TGFBR2: variants seen among roughly 807,000 people sequenced by gnomAD.
The protein encoded by TGFBR2 is transforming growth factor beta receptor 2, also known as TGF-beta receptor type-2.
A neutral mutation model predicts 49.0 loss-of-function variants in TGFBR2; 18 were observed. The observed-to-expected ratio is 0.37, with a 90% CI of 0.25 to 0.54. The LOEUF is 0.54. TGFBR2 is among the 20% of genes least tolerant of loss of function. The pLI, the probability that TGFBR2 is intolerant of heterozygous loss-of-function variation, is 0.85. For synonymous variants in TGFBR2, 282 were observed against 275.9 expected, an observed-to-expected ratio of 1.02 and a Z score of -0.22; for missense variants, 525 against 722.6, an observed-to-expected ratio of 0.73 and a Z score of 3.13.
chr3:30,627,252 A>C (rs1698350340), intron 1 of TGFBR2, among the ~76,000 whole-genome samples: 1 of 152,104 alleles, frequency 6.6e-6, no homozygotes, highest in South Asian at 2.1e-4. Context: ...ATTTTGGAAA[A>C]TGCCTTCTTT....
At chr3:30,649,533 A>G (rs1249716518) in intron 2 of TGFBR2, among the ~76,000 whole-genome samples, 1 of 152,218 alleles carries the variant, frequency 6.6e-6, no homozygotes, top group Non-Finnish European at 1.5e-5. Context: ...TAGTTAGTTT[A>G]TGACAGCATA....
At chr3:30,668,566 T>C (rs1016926171) in intron 3 of TGFBR2, among the ~76,000 whole-genome samples, 3 of 151,658 alleles carry the variant, frequency 2.0e-5, no homozygotes, top group Non-Finnish European at 4.4e-5. Flanking sequence ...AGTCCATACA[T>C]CTCCACAAGA....
rs1699713578 is a variant in TGFBR2, at chr3:30,691,690, T to C, written c.*91T>C. The C allele has an allele frequency of 6.6e-7, 1 of 1,520,894 alleles. No individual in the cohort carries two copies. Among genetic ancestry groups the C allele is most frequent in the Non-Finnish European group, 9.1e-7 (1 of 1,098,712 alleles). 94.2% of individuals were successfully genotyped at this position (1,520,894 alleles called of 1,614,324 possible). On this transcript the variant is annotated 3_prime_UTR_variant, in exon 7 of 7. Transcript: ENST00000295754. ...AGGAAGCTGCCCCTGAACTGATGCTTCCTGGAAAACCAAGGGGGTCACTCC... is the reference window on the plus strand; with the variant it reads ...AGGAAGCTGCCCCTGAACTGATGCTCCCTGGAAAACCAAGGGGGTCACTCC...
At chr3:30,631,789 C>T (rs1698442599) in intron 1 of TGFBR2, among the ~76,000 whole-genome samples, 1 of 152,000 alleles carries the variant, frequency 6.6e-6, no homozygotes, top group Admixed American at 6.6e-5. Context: ...TCATGTCCAA[C>T]CCATTTGTTT....
At chr3:30,661,447 G>A (rs1699127070) in intron 3 of TGFBR2, 1 of 399,346 alleles carries the variant, frequency 2.5e-6, no homozygotes, top group African/African-American at 2.1e-5. Context: ...AGGGTGAAAA[G>A]CACAGTGGAA....
At chr3:30,621,498 C>G (rs1362376852) in intron 1 of TGFBR2, among the ~76,000 whole-genome samples, 1 of 152,064 alleles carries the variant, frequency 6.6e-6, no homozygotes, top group Admixed American at 6.5e-5. Flanking sequence ...CCATGCTGCT[C>G]TTGAACTTCT....
intron 1 of TGFBR2, among the ~76,000 whole-genome samples, chr3:30,632,753 G>A (rs1698460290): frequency 6.6e-6 from 1 of 152,138 alleles, no homozygotes. Flanking sequence ...GGTACTTCAA[G>A]CATGTTTGCT....
chr3:30,640,516 A>G (rs1469663563), intron 1 of TGFBR2, among the ~76,000 whole-genome samples: 1 of 152,210 alleles, frequency 6.6e-6, no homozygotes, highest in African/African-American at 2.4e-5. Flanking sequence ...ATCCTCCCAT[A>G]TCCTTTAAAT....
rs370795703 is a variant in TGFBR2 at position 30,678,546 on chromosome 3, T to TCAAAAAAAAAAAAAAAA, written c.1396+4300_1396+4301insCAAAAAAAAAAAAAAAA. 2.0e-5 allele frequency among the ~76,000 whole-genome samples: 2 copies of TCAAAAAAAAAAAAAAAA among 100,870 alleles called. 1 individual carries two copies. 66.2% of individuals were successfully genotyped at this position (100,870 alleles called of 152,430 possible). On this transcript the variant is annotated intron_variant, in intron 5 of 6. Coordinates refer to ENST00000295754, the MANE Select transcript of TGFBR2 (RefSeq NM_003242.6). ...CTGGGCGACAGAGCAAGACTGCGTC[T>TCAAAAAAAAAAAAAAAA]AAAAAAAAAAAAAAAAAAAAAAGAG...
intron 1 of TGFBR2, among the ~76,000 whole-genome samples, chr3:30,610,733 G>A (rs946881460): frequency 9.2e-5 from 14 of 152,158 alleles, no homozygotes; most frequent in African/African-American, 3.4e-4. Flanking sequence ...ATTTAACATG[G>A]TGCCTGCAAC....
In TGFBR2 at chr3:30,674,253, G is replaced by A. The variant is rs1255282559; in HGVS notation, c.1396+7G>A. On this transcript the variant is annotated splice_region_variant and intron_variant, in intron 5 of 6. Coordinates refer to ENST00000295754, the MANE Select transcript of TGFBR2 (RefSeq NM_003242.6). The stretch of plus-strand genomic sequence containing the variant: ...CGCTGTAATGCAGTGGGAGGTAGGT[G>A]TGGACCAGCATCATTGTGTAGTGGT... 1.2e-6 allele frequency: 2 copies of A among 1,614,056 alleles called. No homozygotes were observed. The highest frequency in any genetic ancestry group is 3.3e-5 in the Admixed American group (2 of 60,020).
rs1253366499 is a variant in TGFBR2 at position 30,669,100 on chromosome 3, A to AC, written c.455-2534dup. Among the ~76,000 whole-genome samples, 12 of 133,496 alleles carry AC rather than the reference A, an allele frequency of 9.0e-5. No homozygotes were observed. In the East Asian group the frequency reaches 2.5e-3, roughly 28 times the overall value. 87.6% of individuals were successfully genotyped at this position (133,496 alleles called of 152,430 possible). A position where few individuals can be genotyped will look rare whatever the true frequency, so the allele number is the denominator to read the frequency against. Reference sequence around the variant, plus strand: ...AGACCAGCCTGGCCAACATGGTGAAACCCCGTCTCCACTAAAAATACAAAA... The same window carrying AC: ...AGACCAGCCTGGCCAACATGGTGAAACCCCCGTCTCCACTAAAAATACAAAA... On this transcript the variant is annotated intron_variant, in intron 3 of 6. Coordinates refer to ENST00000295754, the MANE Select transcript of TGFBR2 (RefSeq NM_003242.6).
chr3:30,618,232 T>C (rs1698164314), intron 1 of TGFBR2, among the ~76,000 whole-genome samples: 1 of 128,788 alleles, frequency 7.8e-6, no homozygotes, highest in Admixed American at 7.5e-5. Flanking sequence ...TTCTTTCTTG[T>C]TTTTTTTTTT....
chr3:30,688,305 C>A (rs1261445549), intron 5 of TGFBR2, 79 bp from the exon 6 acceptor site: 4 of 1,594,748 alleles, frequency 2.5e-6, no homozygotes, highest in African/African-American at 2.7e-5. Flanking sequence ...GCTCCCCAGC[C>A]AGGCATCTCA....
chr3:30,606,924 T>A lies in TGFBR2; in HGVS notation c.41T>A (p.Ile14Asn). The change falls in exon 1 of 7, where the codon ATC (isoleucine) becomes AAC (asparagine). Residue 14 changes from isoleucine (I) to asparagine (N), a missense_variant. Transcript: ENST00000295754. Reference protein sequence around the residue: ...GLLRGLWPLHIVLWTRIASTI... With the variant: ...GLLRGLWPLHNVLWTRIASTI... ...CTCAGGGGCCTGTGGCCGCTGCACATCGTCCTGTGGACGCGTATCGCCAGC... is the reference window on the plus strand; with the variant it reads ...CTCAGGGGCCTGTGGCCGCTGCACAACGTCCTGTGGACGCGTATCGCCAGC... The A allele has an allele frequency of 2.5e-6, 4 of 1,599,748 alleles. No individual in the cohort carries two copies. The highest frequency in any genetic ancestry group is 3.4e-6 in the Non-Finnish European group (4 of 1,173,116).
intron 1 of TGFBR2, among the ~76,000 whole-genome samples, chr3:30,621,356 C>T (rs918725624): frequency 3.4e-5 from 5 of 145,564 alleles, no homozygotes; most frequent in African/African-American, 5.1e-5. Context: ...CCTCAGCTCA[C>T]TGCAACCTCT....
chr3:30,618,185 C>G (rs1392140597), intron 1 of TGFBR2, among the ~76,000 whole-genome samples: 1 of 151,724 alleles, frequency 6.6e-6, no homozygotes, highest in African/African-American at 2.4e-5. Context: ...ATCCCTTGAC[C>G]ATGGTGAACT....
chr3:30,615,463 A>C (rs1333905856), intron 1 of TGFBR2, among the ~76,000 whole-genome samples: 1 of 152,210 alleles, frequency 6.6e-6, no homozygotes, highest in Non-Finnish European at 1.5e-5. Context: ...ACCTGTAATG[A>C]ATTATGAAGC....
intron 3 of TGFBR2, among the ~76,000 whole-genome samples, chr3:30,665,036 G>T (rs140910486): frequency 6.6e-6 from 1 of 152,138 alleles, no homozygotes; most frequent in Non-Finnish European, 1.5e-5. Flanking sequence ...ACAGTTTTTC[G>T]CACACCTTGG....
Sources: gnomAD v4.1 joint callset for allele counts (sites outside exome capture counted in the v4.1 genomes callset) on GRCh38, gnomAD v4.1.1 for gene constraint, MANE v1.5 for transcripts, NCBI Gene and HGNC (gene_info 2026-07-23, HGNC 2026-07-21) for gene names.